GPR19: variants seen among roughly 807,000 people sequenced by gnomAD.
GPR19 encodes probable G protein-coupled receptor 19.
GPR19 carries 14 observed loss-of-function variants against 28.5 expected under a neutral mutation model. That is an observed-to-expected ratio of 0.49 (90% CI 0.32 to 0.77). The LOEUF (loss-of-function observed/expected upper bound fraction) is 0.77, where lower values mean the gene tolerates loss of function less well. GPR19 is among the 30% of genes least tolerant of loss of function. GPR19 has a pLI of 0.03. For missense variants in GPR19, 409 were observed against 504.1 expected (o/e 0.81, Z 1.81); for synonymous variants, 173 against 184.1 (o/e 0.94, Z 0.49).
chr12:12,683,001 G>A (rs2136330795), intron 3 of GPR19, among the ~76,000 whole-genome samples: 1 of 152,248 alleles, frequency 6.6e-6, no homozygotes, highest in African/African-American at 2.4e-5. Context: ...AGTTTTAGAA[G>A]TTTTTAATCT....
chr12:12,697,153 T>TAAAAAAAAAAA (rs386375639), upstream of GPR19, among the ~76,000 whole-genome samples: 952 of 48,818 alleles, frequency 0.02, 196 homozygotes, highest in African/African-American at 0.038. Context: ...TGAAGCGAAG[T>TAAAAAAAAAAA]AAAAAAAAAA....
chr12:12,710,620 T>A, the GPR19 span, among the ~76,000 whole-genome samples: 6 of 152,294 alleles, frequency 3.9e-5, no homozygotes, highest in African/African-American at 1.4e-4. Context: ...CACTATAACA[T>A]TGAACTCCTG....
intron 3 of GPR19, among the ~76,000 whole-genome samples, chr12:12,675,884 C>A (rs1252465036): frequency 6.6e-6 from 1 of 152,214 alleles, no homozygotes; most frequent in African/African-American, 2.4e-5. Flanking sequence ...CCCTGGGAGA[C>A]TCTAAGCAGA....
chr12:12,716,898 G>T, the GPR19 span: 5 of 984,668 alleles, frequency 5.1e-6, no homozygotes, highest in Non-Finnish European at 6.0e-6. Flanking sequence ...CCACGAGGTG[G>T]GGGCCGCTGG....
intron 2 of GPR19, chr12:12,684,813 A>C (rs540787754): frequency 2.0e-4 from 31 of 152,200 alleles, no homozygotes; most frequent in African/African-American, 7.2e-4. Context: ...TTTTTTTTCT[A>C]TCTGAAGATT....
intron 2 of GPR19, among the ~76,000 whole-genome samples, chr12:12,690,808 T>C (rs1391700033): frequency 6.6e-6 from 1 of 152,226 alleles, no homozygotes; most frequent in African/African-American, 2.4e-5. Flanking sequence ...TCCAAACAGC[T>C]GGGAGAACAG....
At chr12:12,699,217 C>G (rs1395740361), upstream of GPR19, among the ~76,000 whole-genome samples, 6 of 151,944 alleles carry the variant, frequency 3.9e-5, no homozygotes, top group African/African-American at 1.4e-4. Flanking sequence ...TGGTGCACAC[C>G]TGTAATCCCA....
chr12:12,701,400 C>T, the GPR19 span, among the ~76,000 whole-genome samples: 1 of 152,128 alleles, frequency 6.6e-6, no homozygotes, highest in South Asian at 2.1e-4. Flanking sequence ...TTGTTGCTTG[C>T]CCATTAGCTA....
the GPR19 span, among the ~76,000 whole-genome samples, chr12:12,714,586 G>C: frequency 2.6e-5 from 4 of 152,192 alleles, no homozygotes; most frequent in Non-Finnish European, 5.9e-5. Flanking sequence ...ACATCACGCA[G>C]GACTGGGGGT....
In GPR19 at chr12:12,675,230, G is replaced by C. The variant is rs554495149; in HGVS notation, c.-23+9121C>G. ...AACCTAAATCATCACGTGGGGAGCA[G>C]GTTAGAGAGAAAGAGGGATAAGTGG... is the stretch of plus-strand genomic sequence containing the variant. On this transcript the variant is annotated intron_variant, in intron 3 of 3. Coordinates refer to ENST00000651487, the MANE Select transcript of GPR19 (RefSeq NM_006143.3). Among the ~76,000 whole-genome samples the C allele has an allele frequency of 3.9e-5, 6 of 152,296 alleles. No individual in the cohort carries two copies. The East Asian group carries it at 1.2e-3, about 29-fold the overall frequency.
chr12:12,714,016 C>T, the GPR19 span, among the ~76,000 whole-genome samples: 1 of 152,190 alleles, frequency 6.6e-6, no homozygotes, highest in Non-Finnish European at 1.5e-5. Flanking sequence ...GGAATGTCAG[C>T]ATCATTCTAG....
chr12:12,696,525 G>A (rs1946265408), upstream of GPR19, among the ~76,000 whole-genome samples: 1 of 152,208 alleles, frequency 6.6e-6, no homozygotes, highest in Admixed American at 6.5e-5. Flanking sequence ...CCAGAAGGCC[G>A]CACAACTACT....
chr12:12,691,198 AG>A (rs1385835430), intron 2 of GPR19, among the ~76,000 whole-genome samples: 3 of 152,192 alleles, frequency 2.0e-5, no homozygotes, highest in African/African-American at 7.2e-5. Context: ...AAAAATAAAA[AG>A]GGCTGTTGGT....
chr12:12,663,876 A>C (rs971281427), intron 3 of GPR19, among the ~76,000 whole-genome samples: 1 of 152,248 alleles, frequency 6.6e-6, no homozygotes, highest in Non-Finnish European at 1.5e-5. Flanking sequence ...AGGCTTTTCT[A>C]GTAGTCACTA....
Sources: allele counts gnomAD v4.1 joint callset (sites outside exome capture counted in the v4.1 genomes callset), GRCh38; gene constraint gnomAD v4.1.1; transcripts MANE v1.5; gene names NCBI Gene and HGNC (gene_info 2026-07-23, HGNC 2026-07-21).